Variants in CEP152 observed in about 807,000 individuals in gnomAD.
CEP152 encodes centrosomal protein 152.
In CEP152, 132 loss-of-function variants were observed where a neutral mutation model predicts 188.9. That is an observed-to-expected ratio of 0.70 (90% CI 0.61 to 0.81). The LOEUF (loss-of-function observed/expected upper bound fraction) is 0.81, where lower values mean the gene tolerates loss of function less well. Ranked by LOEUF, CEP152 falls within the 30% of genes least tolerant of loss-of-function variation. CEP152 has a pLI of 0.00. For synonymous variants in CEP152, 649 were observed against 666.6 expected, an observed-to-expected ratio of 0.97 and a Z score of 0.41; for missense variants, 1,914 against 1,969.8, an observed-to-expected ratio of 0.97 and a Z score of 0.54.
chr15:48,749,662 AT>A (rs1893732042), intron 21 of CEP152, among the ~76,000 whole-genome samples: 1 of 151,990 alleles, frequency 6.6e-6, no homozygotes, highest in Non-Finnish European at 1.5e-5. Flanking sequence ...CAAACCCCAA[AT>A]GAGAAAAGTT....
In CEP152 at chr15:48,802,446, C is replaced by A. The variant is rs115383308; in HGVS notation, c.87+3117G>T. On this transcript the variant is annotated intron_variant, in intron 2 of 26. Coordinates refer to ENST00000380950, the MANE Select transcript of CEP152 (RefSeq NM_001194998.2). ...TCTCACTGATCTACACCCTAATCTG[C>A]TCTGTCGACTATTTTTAAGAGATGA... 3.2e-3 allele frequency among the ~76,000 whole-genome samples: 487 copies of A among 152,312 alleles called. 1 individual carries two copies. The highest frequency in any genetic ancestry group is 0.012 in the African/African-American group (483 of 41,582).
intron 24 of CEP152, 117 bp from the exon 25 acceptor site, chr15:48,742,217 T>C: frequency 1.1e-6 from 1 of 920,460 alleles, no homozygotes; most frequent in Non-Finnish European, 1.8e-6. Context: ...AAGTATAGTT[T>C]AAACATTATA....
chr15:48,746,226 C>T (rs1402887027), intron 22 of CEP152, among the ~76,000 whole-genome samples: 3 of 152,152 alleles, frequency 2.0e-5, no homozygotes, highest in Non-Finnish European at 4.4e-5. Context: ...TTTGTATCAA[C>T]TCATTGTTTT....
chr15:48,776,737 T>TCAATTAACAATATTGATAATATATG (rs1238206102), intron 12 of CEP152, among the ~76,000 whole-genome samples: 4 of 152,134 alleles, frequency 2.6e-5, no homozygotes, highest in Non-Finnish European at 5.9e-5. Flanking sequence ...ATCAATATTA[T>TCAATTAACAATATTGATAATATATG]TTTATCTTTT....
intron 17 of CEP152, among the ~76,000 whole-genome samples, chr15:48,766,637 G>C (rs778023943): frequency 2.6e-5 from 4 of 152,128 alleles, no homozygotes; most frequent in African/African-American, 7.2e-5. Context: ...AGAATAAAAT[G>C]ACAATGAGGT....
intron 18 of CEP152, 124 bp downstream of exon 18, chr15:48,762,267 T>A (rs1391858289): frequency 3.1e-6 from 3 of 962,632 alleles, no homozygotes; most frequent in Non-Finnish European, 4.8e-6. Flanking sequence ...AGGTTTTCTA[T>A]CCTAGAAATG....
At chr15:48,764,647 G>T (rs1894924163) in intron 17 of CEP152, among the ~76,000 whole-genome samples, 1 of 152,058 alleles carries the variant, frequency 6.6e-6, no homozygotes, top group South Asian at 2.1e-4. Flanking sequence ...CAACCTGAAG[G>T]ATTCCGTGTA....
rs768945423 is a variant in CEP152, at chr15:48,767,042, C to T, written c.2280+18G>A. On this transcript the variant is annotated intron_variant, in intron 17 of 26. Transcript: ENST00000380950. ...GAAGAGTGAAAGGATGTCGATACAA[C>T]ATAAACTTGTACTGTACCTTCTCCT... is the stretch of plus-strand genomic sequence containing the variant. The T allele has an allele frequency of 1.2e-6, 2 of 1,611,558 alleles. No homozygotes were observed. The highest frequency in any genetic ancestry group is 1.3e-5 in the African/African-American group (1 of 74,928).
At chr15:48,803,204 A>G (rs1379278659) in intron 2 of CEP152, among the ~76,000 whole-genome samples, 3 of 151,582 alleles carry the variant, frequency 2.0e-5, no homozygotes, top group Non-Finnish European at 4.4e-5. Flanking sequence ...CACAATCCCA[A>G]AGCCACAGTC....
intron 24 of CEP152, 38 bp downstream of exon 24, chr15:48,744,202 G>A (rs1244676662): frequency 2.5e-6 from 4 of 1,609,184 alleles, no homozygotes; most frequent in African/African-American, 1.3e-5. Context: ...AATAAAAAAG[G>A]CCCAAGCCAT....
intron 17 of CEP152, among the ~76,000 whole-genome samples, chr15:48,765,310 A>C (rs1219733017): frequency 1.3e-5 from 2 of 152,220 alleles, no homozygotes; most frequent in Non-Finnish European, 2.9e-5. Flanking sequence ...GGTTTATAGA[A>C]CTATACGCCC....
At chr15:48,767,581 A>C (rs1595640824) in intron 15 of CEP152, 118 bp from the exon 16 acceptor site, 2 of 1,374,232 alleles carry the variant, frequency 1.5e-6, no homozygotes, top group East Asian at 4.6e-5. Context: ...TTGAGGTCAG[A>C]TAACTTTTCC....
intron 26 of CEP152, chr15:48,740,989 C>T (rs917335250): frequency 1.0e-6 from 1 of 960,774 alleles, no homozygotes; most frequent in African/African-American, 1.8e-5. Context: ...ATATCACCCT[C>T]ATATGTGGAA....
Position 48,760,278 on chromosome 15 carries a change from T to G in CEP152, c.2563-12A>C. ...ACAGCTATTTCTACCTGTAGGACAT[T>G]GCAAAAGAAAGAGGTAAAGGGAAGT... On this transcript the variant is annotated splice_polypyrimidine_tract_variant and intron_variant, in intron 18 of 26. Transcript: ENST00000380950. 6.2e-7 allele frequency: 1 copy of G among 1,613,924 alleles called. No individual in the cohort carries two copies.
intron 2 of CEP152, among the ~76,000 whole-genome samples, chr15:48,802,138 C>A (rs922135591): frequency 6.6e-6 from 1 of 151,434 alleles, no homozygotes; most frequent in Admixed American, 6.6e-5. Flanking sequence ...ACTGTGCAAT[C>A]ACAAGTATAG....
chr15:48,803,814 C>G (rs982641379), intron 2 of CEP152, among the ~76,000 whole-genome samples: 2 of 152,136 alleles, frequency 1.3e-5, no homozygotes, highest in East Asian at 3.9e-4. Flanking sequence ...GAAAAATCAC[C>G]TGTCAAAATA....
chr15:48,748,215 C>G (rs911857340), intron 22 of CEP152, among the ~76,000 whole-genome samples: 1 of 152,074 alleles, frequency 6.6e-6, no homozygotes, highest in Non-Finnish European at 1.5e-5. Context: ...CCCTCAATAT[C>G]TGTTTAATCA....
At chr15:48,795,776 C>T (rs1470291237) in intron 6 of CEP152, among the ~76,000 whole-genome samples, 1 of 152,148 alleles carries the variant, frequency 6.6e-6, no homozygotes, top group African/African-American at 2.4e-5. Flanking sequence ...TATTCCCACC[C>T]AACATTACCC....
At chr15:48,796,197 C>A (rs375106862) in intron 5 of CEP152, 37 bp from the exon 6 acceptor site, 254 of 1,609,458 alleles carry the variant, frequency 1.6e-4, no homozygotes, top group African/African-American at 9.8e-4. Flanking sequence ...TAAGATTTGG[C>A]CTTTTCTTCC....
Sources: allele counts gnomAD v4.1 joint callset (sites outside exome capture counted in the v4.1 genomes callset), GRCh38; gene constraint gnomAD v4.1.1; transcripts MANE v1.5; gene names NCBI Gene and HGNC (gene_info 2026-07-23, HGNC 2026-07-21).